Variants in FAM83B observed in about 807,000 individuals in gnomAD.
FAM83B encodes scaffolding CK1 anchoring protein B.
Under a neutral mutation model 38.8 loss-of-function variants are expected in FAM83B, and 26 were observed. The ratio of observed to expected loss-of-function variants is 0.67; its 90% CI spans 0.49 to 0.93. The LOEUF (loss-of-function observed/expected upper bound fraction) is 0.93, where lower values mean the gene tolerates loss of function less well. Among genes scored for constraint, FAM83B ranks in the 40% least tolerant of loss-of-function variants. The probability of loss-of-function intolerance (pLI) is 0.00; values close to 1 mark genes in which losing one functional copy is unlikely to be tolerated. For missense variants in FAM83B, 1,237 were observed against 1,197.3 expected (o/e 1.03, Z -0.49); for synonymous variants, 419 against 423.1 (o/e 0.99, Z 0.12).
chr6:54,919,744 C>A (rs1773129674), intron 2 of FAM83B, among the ~76,000 whole-genome samples: 1 of 151,512 alleles, frequency 6.6e-6, no homozygotes, highest in Non-Finnish European at 1.5e-5. Context: ...TAAATGAAAC[C>A]CTGTAATACT....
chr6:54,901,164 T>A (rs537375684), intron 2 of FAM83B, among the ~76,000 whole-genome samples: 22 of 152,286 alleles, frequency 1.4e-4, no homozygotes, highest in African/African-American at 4.1e-4. Context: ...GACAAATAAC[T>A]CAGAACACAA....
At position 54,939,928 on chromosome 6, in the gene FAM83B, G is replaced by A; in HGVS notation, c.957G>A (p.Gln319=). The change falls in exon 5 of 5, where the codon CAG becomes CAA. Residue 319 remains glutamine, a synonymous_variant. Coordinates refer to ENST00000306858, the MANE Select transcript of FAM83B (RefSeq NM_001010872.3). Reference sequence around the variant, plus strand: ...CTTCATTAGCATCTGTTTCCAGCCAGAGAAACCTTTTTGGTAGACAAGACA... The same window carrying A: ...CTTCATTAGCATCTGTTTCCAGCCAAAGAAACCTTTTTGGTAGACAAGACA... ...SVSSLASVSS[Q]RNLFGRQDKI... 1 of 1,614,034 alleles carries A rather than the reference G, an allele frequency of 6.2e-7. No homozygotes were observed. Among genetic ancestry groups the A allele is most frequent in the South Asian group, 1.1e-5 (1 of 91,078 alleles).
At chr6:54,872,313 A>G (rs1771876409) in intron 2 of FAM83B, among the ~76,000 whole-genome samples, 1 of 152,180 alleles carries the variant, frequency 6.6e-6, no homozygotes, top group Non-Finnish European at 1.5e-5. Flanking sequence ...GGCCTTGTGA[A>G]CAAATTATAC....
intron 2 of FAM83B, among the ~76,000 whole-genome samples, chr6:54,884,464 AGAGT>A (rs1374194233): frequency 6.8e-6 from 1 of 147,960 alleles, no homozygotes; most frequent in Non-Finnish European, 1.5e-5. Flanking sequence ...CCTGTGCAAC[AGAGT>A]GAGACTCTGT....
chr6:54,930,627 C>A (rs1386838270), intron 4 of FAM83B, among the ~76,000 whole-genome samples: 2 of 152,006 alleles, frequency 1.3e-5, no homozygotes, highest in African/African-American at 4.8e-5. Flanking sequence ...AGGTATTACC[C>A]CATAATCAAA....
intron 2 of FAM83B, among the ~76,000 whole-genome samples, chr6:54,882,666 G>T (rs1243657247): frequency 6.6e-6 from 1 of 152,094 alleles, no homozygotes; most frequent in Admixed American, 6.5e-5. Context: ...CATAAGCATG[G>T]AGTATATGAT....
At chr6:54,910,996 C>T (rs546977848) in intron 2 of FAM83B, among the ~76,000 whole-genome samples, 1 of 151,986 alleles carries the variant, frequency 6.6e-6, no homozygotes, top group Admixed American at 6.5e-5. Flanking sequence ...TAAAAATATA[C>T]ATATACCAAG....
chr6:54,863,593 T>C (rs914631673), intron 1 of FAM83B, among the ~76,000 whole-genome samples: 4 of 146,330 alleles, frequency 2.7e-5, no homozygotes, highest in African/African-American at 8.4e-5. Flanking sequence ...TACCCTTTAG[T>C]GCATCTCCTA....
chr6:54,853,088 T>C (rs1396570653), intron 1 of FAM83B, among the ~76,000 whole-genome samples: 1 of 152,152 alleles, frequency 6.6e-6, no homozygotes, highest in East Asian at 1.9e-4. Flanking sequence ...CAAAGCCTAA[T>C]CCAGAGCAAG....
chr6:54,896,370 C>G (rs1772534583), intron 2 of FAM83B, among the ~76,000 whole-genome samples: 1 of 152,098 alleles, frequency 6.6e-6, no homozygotes, highest in South Asian at 2.1e-4. Flanking sequence ...ACTGAGCAGC[C>G]AAAACAGACA....
intron 2 of FAM83B, among the ~76,000 whole-genome samples, chr6:54,923,615 C>G (rs903620200): frequency 6.6e-6 from 1 of 152,094 alleles, no homozygotes; most frequent in Admixed American, 6.6e-5. Flanking sequence ...TTCTACTCTC[C>G]TAGATGACTA....
chr6:54,900,944 A>C (rs1772648206), intron 2 of FAM83B, among the ~76,000 whole-genome samples: 1 of 152,184 alleles, frequency 6.6e-6, no homozygotes, highest in African/African-American at 2.4e-5. Context: ...AACAACTCTA[A>C]TTGTGTATTC....
chr6:54,910,215 C>T (rs985700401), intron 2 of FAM83B, among the ~76,000 whole-genome samples: 1 of 152,126 alleles, frequency 6.6e-6, no homozygotes, highest in African/African-American at 2.4e-5. Flanking sequence ...TTCTATCCAA[C>T]AATCAATATA....
At chr6:54,928,991 G>C (rs1467453108) in intron 4 of FAM83B, among the ~76,000 whole-genome samples, 1 of 152,036 alleles carries the variant, frequency 6.6e-6, no homozygotes, top group Non-Finnish European at 1.5e-5. Context: ...AGAAGCCAGA[G>C]GCAGAATTTA....
rs369712694 is a variant in FAM83B, at chr6:54,862,494, T to C, written c.-60-7693T>C. On this transcript the variant is annotated intron_variant, in intron 1 of 4. Coordinates refer to ENST00000306858, the MANE Select transcript of FAM83B (RefSeq NM_001010872.3). ...TGAGTTCTTACCCAGGATGTGACTT[T>C]CAGTGTGTGGCCCGTGGTGGACATT... is the stretch of plus-strand genomic sequence containing the variant. 2.9e-4 allele frequency among the ~76,000 whole-genome samples: 44 copies of C among 152,284 alleles called. 1 individual carries two copies. The South Asian group carries it at 3.9e-3, about 14-fold the overall frequency.
At chr6:54,848,995 G>GT (rs1771204167) in intron 1 of FAM83B, among the ~76,000 whole-genome samples, 1 of 152,152 alleles carries the variant, frequency 6.6e-6, no homozygotes, top group Non-Finnish European at 1.5e-5. Context: ...TAAACACAAT[G>GT]TTTTGTTCAT....
intron 4 of FAM83B, among the ~76,000 whole-genome samples, chr6:54,935,231 G>A (rs1406402446): frequency 6.6e-6 from 1 of 152,078 alleles, no homozygotes; most frequent in Non-Finnish European, 1.5e-5. Context: ...CTTAGCCCCT[G>A]GAAGTGCAGT....
At chr6:54,916,164 C>A (rs1022029593) in intron 2 of FAM83B, among the ~76,000 whole-genome samples, 2 of 152,164 alleles carry the variant, frequency 1.3e-5, no homozygotes, top group Non-Finnish European at 2.9e-5. Flanking sequence ...CCTCTTCATG[C>A]ACTATTCATG....
intron 4 of FAM83B, among the ~76,000 whole-genome samples, chr6:54,929,010 T>TCA (rs1773368389): frequency 6.6e-6 from 1 of 152,152 alleles, no homozygotes; most frequent in African/African-American, 2.4e-5. Context: ...TAAGTTACTA[T>TCA]TTATGATAGT....
Sources: allele counts gnomAD v4.1 joint callset (sites outside exome capture counted in the v4.1 genomes callset), GRCh38; gene constraint gnomAD v4.1.1; transcripts MANE v1.5; gene names NCBI Gene and HGNC (gene_info 2026-07-23, HGNC 2026-07-21).